Variants in GPATCH2 observed in about 807,000 individuals in gnomAD.
GPATCH2 encodes the protein G patch domain-containing protein 2.
Under a neutral mutation model 58.0 loss-of-function variants are expected in GPATCH2, and 51 were observed. The ratio of observed to expected loss-of-function variants is 0.88; its 90% CI spans 0.70 to 1.11. The LOEUF is 1.11. GPATCH2 is among the 50% of genes most tolerant of loss of function. GPATCH2 has a pLI of 0.00. For missense variants in GPATCH2, 625 were observed against 652.2 expected, an observed-to-expected ratio of 0.96 and a Z score of 0.45; for synonymous variants, 222 against 218.5, an observed-to-expected ratio of 1.02 and a Z score of -0.14.
intron 5 of GPATCH2, among the ~76,000 whole-genome samples, chr1:217,571,703 C>CAAAAAAAAAAAAAAAAACAAA (rs1666551945): frequency 1.4e-5 from 1 of 73,782 alleles, no homozygotes; most frequent in Non-Finnish European, 2.5e-5. Flanking sequence ...AAAACGAAAC[C>CAAAAAAAAAAAAAAAAACAAA]AAAAAAAAAA....
intron 6 of GPATCH2, among the ~76,000 whole-genome samples, chr1:217,514,171 T>C (rs74384230): frequency 6.6e-6 from 1 of 151,046 alleles, no homozygotes; most frequent in South Asian, 2.1e-4. Context: ...TTTTTTTTTT[T>C]CCTTCTGCGA....
chr1:217,540,523 C>A (rs1235016268), intron 5 of GPATCH2, among the ~76,000 whole-genome samples: 1 of 152,032 alleles, frequency 6.6e-6, no homozygotes, highest in Non-Finnish European at 1.5e-5. Flanking sequence ...AATCTTTTTT[C>A]TTTTAGTAAC....
chr1:217,623,211 C>T (rs1669287272), intron 1 of GPATCH2, among the ~76,000 whole-genome samples: 1 of 152,066 alleles, frequency 6.6e-6, no homozygotes, highest in Admixed American at 6.5e-5. Flanking sequence ...GTTTTCTTAT[C>T]AATGGGTGAA....
intron 5 of GPATCH2, among the ~76,000 whole-genome samples, chr1:217,538,170 C>A (rs1191812539): frequency 1.3e-5 from 2 of 152,034 alleles, no homozygotes; most frequent in African/African-American, 2.4e-5. Context: ...TCAAGAGATC[C>A]AAAAGGCATG....
At chr1:217,468,558 C>G (rs202083982) in intron 8 of GPATCH2, among the ~76,000 whole-genome samples, 3 of 110,594 alleles carry the variant, frequency 2.7e-5, no homozygotes, top group African/African-American at 6.7e-5. Flanking sequence ...CACACACACA[C>G]ACACAGAGAG....
intron 8 of GPATCH2, 52 bp downstream of exon 8, chr1:217,491,628 G>A (rs1185362397): frequency 2.6e-5 from 21 of 796,782 alleles, no homozygotes; most frequent in Non-Finnish European, 4.4e-5. Context: ...CATTCTTATA[G>A]GCATAGAAAA....
intron 5 of GPATCH2, among the ~76,000 whole-genome samples, chr1:217,519,401 G>A (rs1189335422): frequency 6.6e-6 from 1 of 151,972 alleles, no homozygotes; most frequent in Non-Finnish European, 1.5e-5. Flanking sequence ...AATTACTTTA[G>A]AATTGCTTTT....
intron 1 of GPATCH2, among the ~76,000 whole-genome samples, chr1:217,629,751 G>A (rs1669647560): frequency 6.6e-6 from 1 of 152,050 alleles, no homozygotes; most frequent in Non-Finnish European, 1.5e-5. Context: ...TTAAAAACTG[G>A]TTCATTTAAA....
At chr1:217,524,616 C>T (rs142155117) in intron 5 of GPATCH2, among the ~76,000 whole-genome samples, 25,626 of 151,280 alleles carry the variant, frequency 0.17, 2,924 homozygotes, top group East Asian at 0.48. Flanking sequence ...CCCGGCACCT[C>T]GGGAGGCCGA....
At chr1:217,450,926 T>G (rs961667490) in intron 8 of GPATCH2, among the ~76,000 whole-genome samples, 2 of 152,142 alleles carry the variant, frequency 1.3e-5, no homozygotes, top group Admixed American at 6.5e-5. Context: ...CCTTTACTTA[T>G]TCAGCAAACA....
At chr1:217,576,989 C>A (rs1439893904) in intron 5 of GPATCH2, among the ~76,000 whole-genome samples, 1 of 152,034 alleles carries the variant, frequency 6.6e-6, no homozygotes, top group Non-Finnish European at 1.5e-5. Context: ...TAGGAATGTG[C>A]AAAGCAGATT....
At chr1:217,497,322 A>C (rs933773111) in intron 7 of GPATCH2, among the ~76,000 whole-genome samples, 1 of 152,156 alleles carries the variant, frequency 6.6e-6, no homozygotes, top group Non-Finnish European at 1.5e-5. Context: ...TTCATTCTGA[A>C]TTCATAGAAA....
intron 5 of GPATCH2, among the ~76,000 whole-genome samples, chr1:217,560,608 A>G (rs938518378): frequency 5.9e-5 from 9 of 152,242 alleles, no homozygotes; most frequent in Non-Finnish European, 1.5e-5. Context: ...TTCGGAATAT[A>G]ATGGCCCAAC....
At chr1:217,465,325 TCC>T (rs1463654703) in intron 8 of GPATCH2, among the ~76,000 whole-genome samples, 2 of 151,964 alleles carry the variant, frequency 1.3e-5, no homozygotes, top group African/African-American at 2.4e-5. Flanking sequence ...GCAAAGAAGA[TCC>T]AATATAAGTA....
At position 217,514,839 on chromosome 1, in the gene GPATCH2, CG is replaced by C; in HGVS notation, c.1148del (p.Pro383ArgfsTer24). The C allele has an allele frequency of 2.6e-6, 4 of 1,509,584 alleles. No homozygotes were observed. Among genetic ancestry groups the C allele is most frequent in the Non-Finnish European group, 3.7e-6 (4 of 1,085,190 alleles). 93.5% of individuals were successfully genotyped at this position (1,509,584 alleles called of 1,614,324 possible). A position where few individuals can be genotyped will look rare whatever the true frequency, so the allele number is the denominator to read the frequency against. On this transcript the variant is annotated frameshift_variant, in exon 6 of 10. Coordinates refer to ENST00000366935, the MANE Select transcript of GPATCH2 (RefSeq NM_018040.5). LOFTEE classifies it high-confidence loss of function. ...GTACTCACTCATGGTGATGAGAATCCGGGGAAAAATGAACCATTCTCTTGTT... is the reference window on the plus strand; with the variant it reads ...GTACTCACTCATGGTGATGAGAATCCGGGAAAAATGAACCATTCTCTTGTT... The part of the protein sequence containing the change: ...VGNKRMVHFS[P>X]DSHHHDHWFS...
chr1:217,576,473 C>G (rs1312904385), intron 5 of GPATCH2, among the ~76,000 whole-genome samples: 1 of 152,188 alleles, frequency 6.6e-6, no homozygotes, highest in African/African-American at 2.4e-5. Flanking sequence ...ACGTATATTA[C>G]TATGCAAATG....
At chr1:217,549,818 A>C (rs1665260824) in intron 5 of GPATCH2, among the ~76,000 whole-genome samples, 1 of 152,218 alleles carries the variant, frequency 6.6e-6, no homozygotes, top group Non-Finnish European at 1.5e-5. Flanking sequence ...AGTCATAGGA[A>C]TTAGAAAAAA....
intron 1 of GPATCH2, among the ~76,000 whole-genome samples, chr1:217,621,201 T>G (rs918385090): frequency 2.0e-5 from 3 of 152,210 alleles, no homozygotes; most frequent in Non-Finnish European, 4.4e-5. Flanking sequence ...GTATGAAAAT[T>G]ATCCAGTAGT....
At chr1:217,536,695 C>T (rs758433527) in intron 5 of GPATCH2, among the ~76,000 whole-genome samples, 9 of 152,140 alleles carry the variant, frequency 5.9e-5, no homozygotes, top group East Asian at 1.9e-4. Flanking sequence ...AGATGTATGG[C>T]CAGGCGCGGT....
Sources: gnomAD v4.1 joint callset for allele counts (sites outside exome capture counted in the v4.1 genomes callset) on GRCh38, gnomAD v4.1.1 for gene constraint, MANE v1.5 for transcripts, NCBI Gene and HGNC (gene_info 2026-07-23, HGNC 2026-07-21) for gene names.